PTPRE: variants seen among roughly 807,000 people sequenced by gnomAD.
PTPRE encodes the protein receptor-type tyrosine-protein phosphatase epsilon.
Under a neutral mutation model 102.0 loss-of-function variants are expected in PTPRE, and 51 were observed. The ratio of observed to expected loss-of-function variants is 0.50; its 90% CI spans 0.40 to 0.63. The LOEUF (loss-of-function observed/expected upper bound fraction) is 0.63. Ranked by LOEUF, PTPRE falls within the 30% of genes least tolerant of loss-of-function variation. The pLI is 0.00. For missense variants in PTPRE, 752 were observed against 915.1 expected (o/e 0.82, Z 2.30); for synonymous variants, 345 against 348.2 (o/e 0.99, Z 0.10).
chr10:128,017,700 G>A (rs568063422), intron 2 of PTPRE, among the ~76,000 whole-genome samples: 11 of 152,252 alleles, frequency 7.2e-5, no homozygotes, highest in South Asian at 2.1e-4. Context: ...ACCAGGACCC[G>A]CCAATGTAGT....
chr10:128,023,947 A>G (rs1331539501), intron 2 of PTPRE, among the ~76,000 whole-genome samples: 1 of 152,218 alleles, frequency 6.6e-6, no homozygotes, highest in African/African-American at 2.4e-5. Flanking sequence ...TTAATGAGTA[A>G]AGGATTCAAC....
intron 6 of PTPRE, among the ~76,000 whole-genome samples, chr10:128,052,969 C>T (rs1590151592): frequency 6.6e-6 from 1 of 152,164 alleles, no homozygotes; most frequent in East Asian, 1.9e-4. Context: ...AATCTCTAGG[C>T]CGGGTGTGGT....
chr10:128,035,621 C>A (rs903117560), intron 2 of PTPRE, among the ~76,000 whole-genome samples: 5 of 152,208 alleles, frequency 3.3e-5, no homozygotes, highest in African/African-American at 1.2e-4. Flanking sequence ...CAAACAGCTG[C>A]AGGTTTTGAC....
At chr10:128,076,568 A>G in intron 17 of PTPRE, 35 bp from the exon 18 acceptor site, 1 of 1,546,602 alleles carries the variant, frequency 6.5e-7, no homozygotes, top group Non-Finnish European at 8.7e-7. Context: ...CAAATTATTT[A>G]TTACAAGACT....
intron 2 of PTPRE, among the ~76,000 whole-genome samples, chr10:127,985,173 C>T (rs1851978706): frequency 6.6e-6 from 1 of 152,252 alleles, no homozygotes; most frequent in Non-Finnish European, 1.5e-5. Context: ...AACCTAGTCA[C>T]ACGTGCTGGA....
intron 2 of PTPRE, among the ~76,000 whole-genome samples, chr10:127,994,190 C>T (rs1375645675): frequency 7.9e-5 from 12 of 152,182 alleles, no homozygotes; most frequent in Admixed American, 6.5e-5. Context: ...ACCCTGAGTA[C>T]GAGAAGTGAG....
intron 1 of PTPRE, among the ~76,000 whole-genome samples, chr10:127,949,122 CCAA>C (rs1293645063): frequency 1.3e-5 from 2 of 152,206 alleles, no homozygotes; most frequent in Admixed American, 1.3e-4. Flanking sequence ...GGGAATTTCA[CCAA>C]CACCTTCGCT....
At position 128,085,004 on chromosome 10, in the gene PTPRE, G is replaced by T; in HGVS notation, c.*2098G>T. On this transcript the variant is annotated 3_prime_UTR_variant, in exon 21 of 21. Coordinates refer to ENST00000254667, the MANE Select transcript of PTPRE (RefSeq NM_006504.6). ...AGGGCCCTGCTCATGTTTTTTTCCT[G>T]TCCCCTTAGACCAACCCCAGGTGTC... The T allele has an allele frequency of 1.8e-5, 7 of 399,506 alleles. No homozygotes were observed. Among genetic ancestry groups the T allele is most frequent in the Admixed American group, 6.2e-5 (2 of 32,216 alleles). The allele number at this position is 399,506 out of a possible 1,614,324, so 24.7% of individuals were successfully genotyped here. A position where few individuals can be genotyped will look rare whatever the true frequency, so the allele number is the denominator to read the frequency against.
chr10:128,082,232 G>A (rs1180769751), intron 20 of PTPRE, among the ~76,000 whole-genome samples: 101 of 108,540 alleles, frequency 9.3e-4, no homozygotes, highest in African/African-American at 3.5e-3. Flanking sequence ...TTGAGACAGG[G>A]TCTCACTCTG....
chr10:128,013,427 G>C (rs138070138), intron 2 of PTPRE, among the ~76,000 whole-genome samples: 5,132 of 152,254 alleles, frequency 0.034, 137 homozygotes, highest in South Asian at 0.083. Context: ...GCGCCACTGG[G>C]GGCTGCTAGT....
At chr10:127,956,335 T>C (rs547691695) in intron 1 of PTPRE, among the ~76,000 whole-genome samples, 5 of 152,262 alleles carry the variant, frequency 3.3e-5, no homozygotes, top group African/African-American at 9.6e-5. Context: ...ACTGCCAGCA[T>C]CTCAGGGACT....
At chr10:128,037,319 C>T (rs1847300867) in intron 2 of PTPRE, among the ~76,000 whole-genome samples, 1 of 152,240 alleles carries the variant, frequency 6.6e-6, no homozygotes, top group African/African-American at 2.4e-5. Flanking sequence ...GCCTGCGTCT[C>T]CCTCGCCTTC....
intron 2 of PTPRE, among the ~76,000 whole-genome samples, chr10:128,011,081 C>T (rs956183875): frequency 1.3e-5 from 2 of 152,110 alleles, no homozygotes; most frequent in African/African-American, 2.4e-5. Context: ...GAATCGATTC[C>T]GTGGGAAGAA....
chr10:127,986,045 C>T (rs1324788085), intron 2 of PTPRE, among the ~76,000 whole-genome samples: 1 of 152,008 alleles, frequency 6.6e-6, no homozygotes, highest in Non-Finnish European at 1.5e-5. Context: ...GAGCCAAGAT[C>T]ACACCACTGC....
intron 11 of PTPRE, among the ~76,000 whole-genome samples, chr10:128,066,906 AC>A (rs1380858892): frequency 6.6e-6 from 1 of 151,876 alleles, no homozygotes; most frequent in African/African-American, 2.4e-5. Context: ...ACACGCACAC[AC>A]ATACTCCCAC....
intron 1 of PTPRE, among the ~76,000 whole-genome samples, chr10:127,918,890 G>A (rs1019808549): frequency 6.6e-6 from 1 of 152,204 alleles, no homozygotes; most frequent in Non-Finnish European, 1.5e-5. Flanking sequence ...GGAAGTGCAA[G>A]AGTTATCTTC....
chr10:127,997,434 CAGAGGA>C (rs1269354261), intron 2 of PTPRE, among the ~76,000 whole-genome samples: 1 of 152,336 alleles, frequency 6.6e-6, no homozygotes, highest in East Asian at 1.9e-4. Flanking sequence ...GCTGCAGCCT[CAGAGGA>C]CCAGCGTCGT....
At chr10:128,002,422 G>A (rs1406607451) in intron 2 of PTPRE, among the ~76,000 whole-genome samples, 3 of 152,090 alleles carry the variant, frequency 2.0e-5, no homozygotes, top group Non-Finnish European at 2.9e-5. Flanking sequence ...AGTCAGTAGT[G>A]GGGAGCACCC....
At chr10:127,947,121 AC>A (rs1848680685) in intron 1 of PTPRE, among the ~76,000 whole-genome samples, 1 of 152,082 alleles carries the variant, frequency 6.6e-6, no homozygotes, top group South Asian at 2.1e-4. Context: ...TGGGACAGCC[AC>A]GAAAATGTGA....
Sources: gnomAD v4.1 joint callset for allele counts (sites outside exome capture counted in the v4.1 genomes callset) on GRCh38, gnomAD v4.1.1 for gene constraint, MANE v1.5 for transcripts, NCBI Gene and HGNC (gene_info 2026-07-23, HGNC 2026-07-21) for gene names.